The following HHIPL1 variants were observed in gnomAD, a reference collection of about 807,000 sequenced individuals.
HHIPL1 encodes HHIP-like protein 1.
Under a neutral mutation model 61.8 loss-of-function variants are expected in HHIPL1, and 43 were observed. That is an observed-to-expected ratio of 0.70 (90% CI 0.55 to 0.90). The LOEUF (loss-of-function observed/expected upper bound fraction) is 0.90. HHIPL1 is among the 40% of genes least tolerant of loss of function. HHIPL1 has a pLI of 0.00. For missense variants in HHIPL1, 1,056 were observed against 1,157.7 expected (o/e 0.91, Z 1.28); for synonymous variants, 482 against 515.8 (o/e 0.93, Z 0.89).
At position 99,668,339 on chromosome 14, in the gene HHIPL1, GTC is replaced by G; in HGVS notation, c.1730+38_1730+39del. 1 of 1,271,264 alleles carries G rather than the reference GTC, an allele frequency of 7.9e-7. No individual in the cohort carries two copies. 78.7% of individuals were successfully genotyped at this position (1,271,264 alleles called of 1,614,324 possible). ...GCCTCCAGGACAGGGAGCTCCTGCT[GTC>G]TGTCAGGCCTCTTAGCTCCACGGGC... On this transcript the variant is annotated intron_variant, in intron 7 of 8. Coordinates refer to ENST00000330710, the MANE Select transcript of HHIPL1 (RefSeq NM_001127258.3). This position sits in a 1 kb window ranked among gnomAD's most constrained non-coding sequence, Gnocchi z 4.7.
chr14:99,618,474 G>A, the HHIPL1 span, among the ~76,000 whole-genome samples: 4 of 150,954 alleles, frequency 2.6e-5, no homozygotes, highest in Non-Finnish European at 5.9e-5. Context: ...GCTTCTCTTC[G>A]CCTCATGGTT....
intron 7 of HHIPL1, among the ~76,000 whole-genome samples, chr14:99,669,663 A>T (rs994659141): frequency 6.6e-6 from 1 of 152,178 alleles, no homozygotes; most frequent in African/African-American, 2.4e-5. Context: ...AGTGGCTCAC[A>T]CCTGTAATCC....
the HHIPL1 span, among the ~76,000 whole-genome samples, chr14:99,637,095 GGAAGGAAAAAAGAAAGAAAGAAAGA>G: frequency 3.2e-5 from 2 of 61,884 alleles, no homozygotes; most frequent in African/African-American, 9.4e-5. Context: ...AAAGAAAGAA[GGAAGGAAAAAAGAAAGAAAGAAAGA>G]AAAGAAAGAG....
At chr14:99,617,287 C>T in the HHIPL1 span, among the ~76,000 whole-genome samples, 62 of 152,266 alleles carry the variant, frequency 4.1e-4, no homozygotes, top group Non-Finnish European at 6.5e-4. Context: ...CGTCATAAAA[C>T]CCTTGACCAG....
At chr14:99,624,996 A>G in the HHIPL1 span, 19 of 152,328 alleles carry the variant, frequency 1.2e-4, no homozygotes, top group African/African-American at 2.6e-4. Flanking sequence ...CGAGGTGGGT[A>G]AGCCACTGGC....
chr14:99,669,657 G>A (rs1467879518), intron 7 of HHIPL1, among the ~76,000 whole-genome samples: 1 of 152,164 alleles, frequency 6.6e-6, no homozygotes, highest in Non-Finnish European at 1.5e-5. Flanking sequence ...GGGCTCAGTG[G>A]CTCACACCTG....
At position 99,675,508 on chromosome 14, in the gene HHIPL1, G is replaced by A. The variant is rs988879123; in HGVS notation, c.2231G>A (p.Arg744His). The A allele has an allele frequency of 4.5e-6, 7 of 1,542,726 alleles. No homozygotes were observed. Among genetic ancestry groups the A allele is most frequent in the East Asian group, 2.4e-5 (1 of 40,888 alleles). The change falls in exon 9 of 9, where the codon CGC (arginine) becomes CAC (histidine). Residue 744 changes from arginine (R) to histidine (H), a missense_variant. Transcript: ENST00000330710. This position sits in a 1 kb window ranked among gnomAD's most constrained non-coding sequence, Gnocchi z 5.4. ...GSLPILLDDV[R>H]CAGWERNLLE... ...CTGCCCATTCTGCTGGACGATGTGC[G>A]CTGCGCGGGCTGGGAGCGGAACCTG...
intron 2 of HHIPL1, among the ~76,000 whole-genome samples, chr14:99,653,302 C>T (rs1042538608): frequency 2.0e-5 from 3 of 149,842 alleles, no homozygotes; most frequent in Non-Finnish European, 3.0e-5. Flanking sequence ...CCCCAGCCTG[C>T]CTCGCTCTGG....
At chr14:99,661,281 C>T (rs139083831) in intron 5 of HHIPL1, among the ~76,000 whole-genome samples, 39 of 152,164 alleles carry the variant, frequency 2.6e-4, no homozygotes, top group African/African-American at 8.2e-4. Flanking sequence ...TCTTCAGCTA[C>T]CTCATCTGCA....
the HHIPL1 span, among the ~76,000 whole-genome samples, chr14:99,606,067 C>T: frequency 1.3e-5 from 2 of 152,114 alleles, no homozygotes; most frequent in Non-Finnish European, 2.9e-5. Context: ...GAGGGGAGTA[C>T]ACAGAGAGGT....
intron 7 of HHIPL1, among the ~76,000 whole-genome samples, chr14:99,671,597 T>G (rs2056326875): frequency 6.6e-6 from 1 of 152,180 alleles, no homozygotes; most frequent in Admixed American, 6.5e-5. Context: ...ATGGGGTCAT[T>G]CCCAAAGAAT....
chr14:99,656,824 AAAGAAAGAAAGAAAGG>A (rs1566809790), intron 2 of HHIPL1, among the ~76,000 whole-genome samples, 160 bp from the exon 3 acceptor site: 5 of 38,658 alleles, frequency 1.3e-4, no homozygotes, highest in African/African-American at 5.4e-4. Context: ...AGAAAGAAAG[AAAGAAAGAAAGAAAGG>A]AAGGAAGGAA....
At chr14:99,647,899 T>C (rs936168979) in intron 1 of HHIPL1, among the ~76,000 whole-genome samples, 1 of 152,302 alleles carries the variant, frequency 6.6e-6, no homozygotes, top group African/African-American at 2.4e-5. Context: ...CCATGGCACG[T>C]GGCATCCCCA....
chr14:99,605,392 G>GGC, the HHIPL1 span, among the ~76,000 whole-genome samples: 1 of 144,166 alleles, frequency 6.9e-6, no homozygotes, highest in South Asian at 2.2e-4. Flanking sequence ...CGGGGCGGGG[G>GGC]GGGGTCCCTC....
At chr14:99,646,023 T>G (rs1001264803) in intron 1 of HHIPL1, among the ~76,000 whole-genome samples, 1 of 152,242 alleles carries the variant, frequency 6.6e-6, no homozygotes, top group Non-Finnish European at 1.5e-5. Context: ...CCTCTGTGGG[T>G]GCTGTGCCCT....
the HHIPL1 span, among the ~76,000 whole-genome samples, chr14:99,617,474 C>T: frequency 6.6e-6 from 1 of 152,050 alleles, no homozygotes; most frequent in East Asian, 1.9e-4. Flanking sequence ...GTGGAGACTG[C>T]AAAGCCAGAA....
At chr14:99,622,980 T>G in the HHIPL1 span, among the ~76,000 whole-genome samples, 1 of 152,228 alleles carries the variant, frequency 6.6e-6, no homozygotes, top group Non-Finnish European at 1.5e-5. Context: ...CAAAGTGCCA[T>G]GAACAAGACC....
upstream of HHIPL1, among the ~76,000 whole-genome samples, chr14:99,641,149 C>T (rs187773725): frequency 3.1e-4 from 47 of 151,630 alleles, no homozygotes; most frequent in East Asian, 5.7e-3. Context: ...AGCCTCCCAA[C>T]GTGTTGGGAT....
chr14:99,675,636 C>T lies in HHIPL1; in HGVS notation c.*10C>T, dbSNP rs1376705808. 15 of 1,503,622 alleles carry T rather than the reference C, an allele frequency of 1.0e-5. No individual in the cohort carries two copies. Among genetic ancestry groups the T allele is most frequent in the African/African-American group, 4.2e-5 (3 of 71,892 alleles). The allele number at this position is 1,503,622 out of a possible 1,614,324, so 93.1% of individuals were successfully genotyped here. ...GAACCCCGACCTGTAGGCAACACGC[C>T]GCTGCCCCAGGCCATCCCGCCGGCG... On this transcript the variant is annotated 3_prime_UTR_variant, in exon 9 of 9. Coordinates refer to ENST00000330710, the MANE Select transcript of HHIPL1 (RefSeq NM_001127258.3). The surrounding 1 kb of genome is among the most constrained non-coding windows in gnomAD (Gnocchi z 5.4).
Sources: allele counts gnomAD v4.1 joint callset (sites outside exome capture counted in the v4.1 genomes callset), GRCh38; gene constraint gnomAD v4.1.1; non-coding constraint Gnocchi (gnomAD v3.1); transcripts MANE v1.5; gene names NCBI Gene and HGNC (gene_info 2026-07-23, HGNC 2026-07-21).